URB1: variants seen among roughly 807,000 people sequenced by gnomAD.
The protein encoded by URB1 is URB1 ribosome biogenesis factor, also known as nucleolar pre-ribosomal-associated protein 1.
Under a neutral mutation model 242.3 loss-of-function variants are expected in URB1, and 197 were observed. The ratio of observed to expected loss-of-function variants is 0.81; its 90% CI spans 0.72 to 0.91. The LOEUF (loss-of-function observed/expected upper bound fraction) is 0.91, where lower values mean the gene tolerates loss of function less well. URB1 is among the 40% of genes least tolerant of loss of function. The probability of loss-of-function intolerance (pLI) is 0.00; values close to 1 mark genes in which losing one functional copy is unlikely to be tolerated. For missense variants in URB1, 2,721 were observed against 2,860.5 expected, an observed-to-expected ratio of 0.95 and a Z score of 1.11; for synonymous variants, 1,153 against 1,201.8, an observed-to-expected ratio of 0.96 and a Z score of 0.84.
chr21:32,356,980 G>A (rs972372961), intron 15 of URB1, among the ~76,000 whole-genome samples: 5 of 152,220 alleles, frequency 3.3e-5, no homozygotes, highest in African/African-American at 4.8e-5. Context: ...TCAAATAAAA[G>A]TGAAAGGTCA....
intron 19 of URB1, 99 bp downstream of exon 19, chr21:32,352,611 C>T (rs1403272466): frequency 8.5e-6 from 12 of 1,409,992 alleles, no homozygotes; most frequent in Non-Finnish European, 1.2e-5. Context: ...ACCCTGCAGG[C>T]TGTCTGGCTA....
At chr21:32,334,422 A>C in intron 28 of URB1, 88 bp from the exon 29 acceptor site, 1 of 1,412,830 alleles carries the variant, frequency 7.1e-7, no homozygotes, top group Non-Finnish European at 9.5e-7. Context: ...AGCAGTTGTC[A>C]GGCTGCCAGT....
intron 25 of URB1, among the ~76,000 whole-genome samples, chr21:32,339,761 G>T (rs1244233523): frequency 6.6e-6 from 1 of 152,186 alleles, no homozygotes; most frequent in Non-Finnish European, 1.5e-5. Flanking sequence ...AAAGTGCTGG[G>T]ATTACAGGCG....
At chr21:32,315,921 C>T (rs2032675343) in intron 38 of URB1, among the ~76,000 whole-genome samples, 1 of 152,228 alleles carries the variant, frequency 6.6e-6, no homozygotes, top group South Asian at 2.1e-4. Context: ...GTTACCACAC[C>T]CACCTCCCTG....
chr21:32,358,112 A>G (rs1451246588), intron 14 of URB1, among the ~76,000 whole-genome samples: 1 of 152,134 alleles, frequency 6.6e-6, no homozygotes, highest in Non-Finnish European at 1.5e-5. Context: ...ACCTCATCTC[A>G]TTTTAACCAC....
chr21:32,338,460 A>G (rs1420135327), intron 26 of URB1, among the ~76,000 whole-genome samples: 2 of 152,216 alleles, frequency 1.3e-5, no homozygotes, highest in Non-Finnish European at 2.9e-5. Flanking sequence ...CGGCACTAAG[A>G]TCTCAAACAC....
Position 32,345,434 on chromosome 21 carries a change from T to A in URB1, c.4010A>T (p.Asp1337Val). ...AQLVPFARAKDLSVLMDRLPS... is the reference protein window; with the variant it reads ...AQLVPFARAKVLSVLMDRLPS... ...CAGGCGGTCCATGAGTACACTGAGA[T>A]CCTTGGCTCGTGCAAACGGGACCAG... Residue 1337 changes from aspartate (D) to valine (V), a missense_variant, in exon 23 of 39, where the codon GAT becomes GTT. Coordinates refer to ENST00000382751, the MANE Select transcript of URB1 (RefSeq NM_014825.3). 2 of 1,551,156 alleles carry A rather than the reference T, an allele frequency of 1.3e-6. No homozygotes were observed. Among genetic ancestry groups the A allele is most frequent in the Admixed American group, 2.0e-5 (1 of 50,932 alleles).
chr21:32,333,844 T>C (rs1156422130), intron 29 of URB1, among the ~76,000 whole-genome samples: 4 of 152,294 alleles, frequency 2.6e-5, no homozygotes, highest in African/African-American at 9.6e-5. Context: ...ATTTTGAATA[T>C]TTAAGGGCAT....
chr21:32,357,131 T>A, intron 15 of URB1, among the ~76,000 whole-genome samples: 1 of 152,060 alleles, frequency 6.6e-6, no homozygotes, highest in Middle Eastern at 3.2e-3. Flanking sequence ...GATAAGGAAA[T>A]AAATTCCTAT....
rs1012541338 is a variant in URB1 at position 32,383,524 on chromosome 21, G to A, written c.465C>T (p.Thr155=). 27 of 1,551,434 alleles carry A rather than the reference G, an allele frequency of 1.7e-5. 1 individual carries two copies. Among genetic ancestry groups the A allele is most frequent in the Middle Eastern group, 3.3e-4 (2 of 6,014 alleles). Residue 155 remains threonine, a synonymous_variant, in exon 4 of 39, where the codon ACC becomes ACT. Coordinates refer to ENST00000382751, the MANE Select transcript of URB1 (RefSeq NM_014825.3). ...CTTCCGGACCCTGGGTCACCATGGC[G>A]GTCATCAGGCTCAGGCAGGCGCGAG... The part of the protein sequence containing the change: ...RLARACLSLM[T]AMVTQGPEAA...
At chr21:32,324,374 G>A (rs927364675) in intron 32 of URB1, 117 bp downstream of exon 32, 26 of 790,750 alleles carry the variant, frequency 3.3e-5, no homozygotes, top group Middle Eastern at 2.4e-4. Flanking sequence ...TCATGAGCAC[G>A]GAGTGGCCTT....
chr21:32,320,838 T>C (rs1568807863), intron 34 of URB1, among the ~76,000 whole-genome samples, 198 bp from the exon 35 acceptor site: 1 of 152,208 alleles, frequency 6.6e-6, no homozygotes, highest in Non-Finnish European at 1.5e-5. Flanking sequence ...GGACACAGAC[T>C]TCCACAGCAA....
chr21:32,372,382 GA>G, intron 8 of URB1, 124 bp downstream of exon 8: 1 of 1,310,314 alleles, frequency 7.6e-7, no homozygotes, highest in South Asian at 1.6e-5. Flanking sequence ...GTTCAACCCT[GA>G]AACGAGTTAG....
chr21:32,359,830 A>T lies in URB1; in HGVS notation c.1835T>A (p.Leu612Gln). The T allele has an allele frequency of 6.5e-7, 1 of 1,546,950 alleles. No individual in the cohort carries two copies. The highest frequency in any genetic ancestry group is 8.7e-7 in the Non-Finnish European group (1 of 1,145,252). Residue 612 changes from leucine to glutamine, a missense_variant, in exon 14 of 39, where the codon CTG becomes CAG. Leu to Gln is a moderately radical substitution (Grantham distance 113). Coordinates refer to ENST00000382751, the MANE Select transcript of URB1 (RefSeq NM_014825.3). ...QHHMLKVALE[L>Q]PASKFLWLKA... The stretch of plus-strand genomic sequence containing the variant: ...TAACCACAGAAACTTGCTGGCCGGC[A>T]GCTCCAGGGCCACCTTCAGCATGTG...
At chr21:32,349,633 A>T in intron 20 of URB1, 150 bp from the exon 21 acceptor site, 1 of 702,948 alleles carries the variant, frequency 1.4e-6, no homozygotes, top group Non-Finnish European at 2.2e-6. Context: ...ACACCCATCA[A>T]TGCAATGCCA....
chr21:32,391,868 A>AC (rs976256064), intron 1 of URB1, among the ~76,000 whole-genome samples: 1 of 151,726 alleles, frequency 6.6e-6, no homozygotes, highest in Admixed American at 6.6e-5. Flanking sequence ...AAAAAAAAAA[A>AC]AAAAACATAG....
rs777664021 is a variant in URB1 at position 32,347,810 on chromosome 21, G to A, written c.3014C>T (p.Thr1005Met). The change falls in exon 22 of 39, where the codon ACG becomes ATG. Residue 1005 changes from threonine to methionine, a missense_variant and splice_region_variant. Thr to Met is a moderately conservative substitution (Grantham distance 81, BLOSUM62 -1). Transcript: ENST00000382751. ...VASLELANDQ[T>M]LEEVLVAILR... The stretch of plus-strand genomic sequence containing the variant: ...GATGGCCACAAGCACCTCCTCCAGC[G>A]TCTGAAAGGCAGTGACGAGGCACAG... 3.2e-5 allele frequency: 50 copies of A among 1,540,894 alleles called. No homozygotes were observed. The highest frequency in any genetic ancestry group is 5.5e-5 in the African/African-American group (4 of 73,106).
At position 32,352,867 on chromosome 21, in the gene URB1, T is replaced by C; in HGVS notation, c.2456A>G (p.Asp819Gly). The C allele has an allele frequency of 6.4e-7, 1 of 1,551,092 alleles. No homozygotes were observed. Among genetic ancestry groups the C allele is most frequent in the Non-Finnish European group, 8.7e-7 (1 of 1,146,812 alleles). ...GGGGTCCCTCTGGGTGTGGAGGAGG[T>C]CAGTCAGCACTGCCGTCAGATATGT... Reference protein sequence around the residue: ...VVTYLTAVLTDLLHTQRDPLA... With the variant: ...VVTYLTAVLTGLLHTQRDPLA... Residue 819 changes from aspartate (D) to glycine (G), a missense_variant, in exon 19 of 39, where the codon GAC (aspartate) becomes GGC (glycine). Physicochemically the swap from Asp to Gly is moderately conservative, Grantham distance 94. Transcript: ENST00000382751.
In URB1 at chr21:32,319,375, C is replaced by A. The variant is rs1238417142; in HGVS notation, c.5634G>T (p.Leu1878Phe). ...GGTTGGTCACCCACAGTGTGTGTAG[C>A]AAGGAGATCACATTAGACAGCAGCG... Reference protein sequence around the residue: ...ETPLLSNVISLLHTLWVTNLG... With the variant: ...ETPLLSNVISFLHTLWVTNLG... The change falls in exon 36 of 39, where the codon TTG (leucine) becomes TTT (phenylalanine). Residue 1878 changes from leucine (L) to phenylalanine (F), a missense_variant. Transcript: ENST00000382751. The A allele has an allele frequency of 6.5e-7, 1 of 1,546,104 alleles. No individual in the cohort carries two copies. Among genetic ancestry groups the A allele is most frequent in the Non-Finnish European group, 8.7e-7 (1 of 1,145,216 alleles).
Sources: gnomAD v4.1 joint callset for allele counts (sites outside exome capture counted in the v4.1 genomes callset) on GRCh38, gnomAD v4.1.1 for gene constraint, MANE v1.5 for transcripts, NCBI Gene and HGNC (gene_info 2026-07-23, HGNC 2026-07-21) for gene names.